Variants in UNC79 observed in about 807,000 individuals in gnomAD.
UNC79 encodes the protein unc-79 subunit of NALCN channel complex.
UNC79 carries 37 observed loss-of-function variants against 283.1 expected under a neutral mutation model. That is an observed-to-expected ratio of 0.13 (90% CI 0.10 to 0.17). UNC79 has a LOEUF of 0.17. UNC79 is among the 10% of genes least tolerant of loss of function. The pLI, the probability that UNC79 is intolerant of heterozygous loss-of-function variation, is 1.00. For synonymous variants in UNC79, 1,107 were observed against 1,200.2 expected (o/e 0.92, Z 1.61); for missense variants, 2,272 against 3,211.1 (o/e 0.71, Z 7.07).
chr14:93,346,581 A>G (rs1190581169), intron 1 of UNC79, among the ~76,000 whole-genome samples: 1 of 152,262 alleles, frequency 6.6e-6, no homozygotes, highest in East Asian at 1.9e-4. Context: ...TATTTTTTAT[A>G]TCATCAGCCG....
intron 1 of UNC79, among the ~76,000 whole-genome samples, chr14:93,371,357 A>G (rs1374540338): frequency 6.6e-6 from 1 of 151,920 alleles, no homozygotes; most frequent in Non-Finnish European, 1.5e-5. Context: ...ATGGCACTCC[A>G]GCCTGGGTGG....
At chr14:93,480,176 T>C (rs897373239) in intron 4 of UNC79, among the ~76,000 whole-genome samples, 1 of 152,208 alleles carries the variant, frequency 6.6e-6, no homozygotes, top group Non-Finnish European at 1.5e-5. Context: ...TGTACAAACC[T>C]TGGCAACTGA....
At chr14:93,357,707 A>ATGGATATATGGATG (rs1566889621) in intron 1 of UNC79, among the ~76,000 whole-genome samples, 4 of 122,490 alleles carry the variant, frequency 3.3e-5, no homozygotes, top group African/African-American at 1.3e-4. Flanking sequence ...ATATATATAT[A>ATGGATATATGGATG]TATATATATA....
chr14:93,515,564 G>GA (rs2140907016), intron 7 of UNC79, among the ~76,000 whole-genome samples: 1 of 152,192 alleles, frequency 6.6e-6, no homozygotes, highest in African/African-American at 2.4e-5. Context: ...TGCTTCTGGT[G>GA]AAAGGGTATA....
At chr14:93,367,049 G>C (rs2054350726) in intron 1 of UNC79, among the ~76,000 whole-genome samples, 1 of 152,010 alleles carries the variant, frequency 6.6e-6, no homozygotes, top group Non-Finnish European at 1.5e-5. Flanking sequence ...CTCATCTCCT[G>C]CTCTTATCTG....
intron 14 of UNC79, among the ~76,000 whole-genome samples, chr14:93,548,300 G>T (rs986364273): frequency 2.0e-5 from 3 of 152,098 alleles, no homozygotes; most frequent in Non-Finnish European, 4.4e-5. Context: ...TTACAAGGGC[G>T]TTCATTCATA....
In UNC79 at chr14:93,690,494, C is replaced by A. The variant is rs1233070452; in HGVS notation, c.7272+191C>A. The A allele has an allele frequency of 3.4e-6, 2 of 579,956 alleles. No individual in the cohort carries two copies. The highest frequency in any genetic ancestry group is 1.0e-3 in the Middle Eastern group (2 of 1,996). 35.9% of individuals were successfully genotyped at this position (579,956 alleles called of 1,614,324 possible). Reference sequence around the variant, plus strand: ...TTCCCAGACTGTCTTTCCCCCCGCCCCCAAATTGTTTTTCGGCTTACTTTT... The same window carrying A: ...TTCCCAGACTGTCTTTCCCCCCGCCACCAAATTGTTTTTCGGCTTACTTTT... On this transcript the variant is annotated intron_variant, in intron 45 of 48. Coordinates refer to ENST00000555664, the Ensembl canonical transcript of UNC79. The surrounding 1 kb of genome is among the most constrained non-coding windows in gnomAD (Gnocchi z 4.3).
chr14:93,613,657 G>A (rs2066475356), intron 27 of UNC79, among the ~76,000 whole-genome samples: 1 of 152,046 alleles, frequency 6.6e-6, no homozygotes, highest in East Asian at 1.9e-4. Flanking sequence ...CTCGTGATCC[G>A]CCCATCTTGG....
At chr14:93,422,400 G>T (rs1484292726) in intron 1 of UNC79, among the ~76,000 whole-genome samples, 2 of 152,180 alleles carry the variant, frequency 1.3e-5, no homozygotes, top group Non-Finnish European at 2.9e-5. Flanking sequence ...TGGCTTCAGA[G>T]ATAATAGATT....
At chr14:93,447,845 C>T (rs2056510348) in intron 1 of UNC79, among the ~76,000 whole-genome samples, 1 of 151,964 alleles carries the variant, frequency 6.6e-6, no homozygotes, top group South Asian at 2.1e-4. Flanking sequence ...GTGAATTCAG[C>T]CATTACTTGT....
At chr14:93,357,901 A>G (rs1386367281) in intron 1 of UNC79, among the ~76,000 whole-genome samples, 1 of 34,278 alleles carries the variant, frequency 2.9e-5, no homozygotes, top group East Asian at 3.6e-4. Context: ...ATGGAGATAT[A>G]TATCTATATA....
chr14:93,573,225 C>T (rs1159218996), intron 16 of UNC79, among the ~76,000 whole-genome samples: 2 of 152,174 alleles, frequency 1.3e-5, no homozygotes, highest in Non-Finnish European at 2.9e-5. Context: ...CCTTTCCTGT[C>T]TCTATTTGTG....
At chr14:93,467,628 CT>C (rs398026224) in intron 1 of UNC79, 42 bp from the exon 2 acceptor site, 362 of 762,630 alleles carry the variant, frequency 4.7e-4, no homozygotes, top group African/African-American at 3.1e-3. Flanking sequence ...TTTCTTCTTC[CT>C]TTTTTTTTTT....
intron 1 of UNC79, among the ~76,000 whole-genome samples, chr14:93,452,766 A>T (rs1365458076): frequency 1.3e-5 from 2 of 152,194 alleles, no homozygotes; most frequent in East Asian, 3.8e-4. Flanking sequence ...AATAGCACCT[A>T]CCTCATAGAA....
At chr14:93,687,205 A>T (rs980397995) in intron 43 of UNC79, among the ~76,000 whole-genome samples, 1 of 152,226 alleles carries the variant, frequency 6.6e-6, no homozygotes, top group Non-Finnish European at 1.5e-5. Flanking sequence ...CATTATGCAA[A>T]CATACACCAT....
Position 93,604,947 on chromosome 14 carries a change from C to G in UNC79, c.3754+1529C>G, listed in dbSNP as rs751332499. 6 of 1,577,970 alleles carry G rather than the reference C, an allele frequency of 3.8e-6. No individual in the cohort carries two copies. The South Asian group carries it at 6.9e-5, about 18-fold the overall frequency. On this transcript the variant is annotated intron_variant, in intron 26 of 48. Transcript: ENST00000555664. ...TCTGCTCCAGCTCTCGGTGGGACAC[C>G]CGAACAGACGCCAGGTGGGTACTTC...
chr14:93,435,347 C>T (rs1384210741), intron 1 of UNC79, among the ~76,000 whole-genome samples: 2 of 152,142 alleles, frequency 1.3e-5, no homozygotes, highest in African/African-American at 4.8e-5. Context: ...AACTCCTTTT[C>T]TTCTTTCTTT....
chr14:93,609,299 C>T (rs981331187), intron 26 of UNC79, among the ~76,000 whole-genome samples: 23 of 152,110 alleles, frequency 1.5e-4, no homozygotes, highest in African/African-American at 4.8e-4. Flanking sequence ...CTGAGATCCA[C>T]GAGTAGCCCA....
chr14:93,677,035 C>T (rs1426489200), intron 41 of UNC79, among the ~76,000 whole-genome samples: 1 of 152,146 alleles, frequency 6.6e-6, no homozygotes, highest in African/African-American at 2.4e-5. Context: ...TTTCAGTCTT[C>T]TCCAACAAAA....
Sources: allele counts gnomAD v4.1 joint callset (sites outside exome capture counted in the v4.1 genomes callset), GRCh38; gene constraint gnomAD v4.1.1; non-coding constraint Gnocchi (gnomAD v3.1); transcripts MANE v1.5; gene names NCBI Gene and HGNC (gene_info 2026-07-23, HGNC 2026-07-21).